LRRC4C: variants seen among roughly 807,000 people sequenced by gnomAD.
LRRC4C encodes leucine rich repeat containing 4C.
LRRC4C carries 5 observed loss-of-function variants against 33.6 expected under a neutral mutation model. The observed-to-expected ratio is 0.15, with a 90% CI of 0.08 to 0.31. The LOEUF (loss-of-function observed/expected upper bound fraction) is 0.31. Among genes scored for constraint, LRRC4C ranks in the 10% least tolerant of loss-of-function variants. The probability of loss-of-function intolerance (pLI) is 1.00; values close to 1 mark genes in which losing one functional copy is unlikely to be tolerated. For synonymous variants in LRRC4C, 329 were observed against 302.0 expected, an observed-to-expected ratio of 1.09 and a Z score of -0.93; for missense variants, 560 against 796.7, an observed-to-expected ratio of 0.70 and a Z score of 3.58.
At chr11:40,954,634 T>C (rs1353796773) in intron 1 of LRRC4C, among the ~76,000 whole-genome samples, 2 of 151,904 alleles carry the variant, frequency 1.3e-5, no homozygotes, top group African/African-American at 2.4e-5. Context: ...GGCCTCATCT[T>C]CATAAAATAG....
At chr11:40,425,972 C>T (rs1950696696) in intron 3 of LRRC4C, among the ~76,000 whole-genome samples, 1 of 151,060 alleles carries the variant, frequency 6.6e-6, no homozygotes, top group Admixed American at 6.6e-5. Context: ...GTACTGTATA[C>T]TGTGTTTAAT....
intron 1 of LRRC4C, among the ~76,000 whole-genome samples, chr11:40,992,556 C>T (rs1343948201): frequency 6.6e-6 from 1 of 151,694 alleles, no homozygotes; most frequent in Non-Finnish European, 1.5e-5. Flanking sequence ...ATCTGTTTGG[C>T]TGAATATATC....
At chr11:40,718,106 G>A (rs1232091443) in intron 2 of LRRC4C, among the ~76,000 whole-genome samples, 2 of 152,076 alleles carry the variant, frequency 1.3e-5, no homozygotes, top group Admixed American at 6.5e-5. Context: ...TCCATCAAAC[G>A]CATGGTGGAT....
chr11:40,658,142 T>C (rs1943231043), intron 2 of LRRC4C, among the ~76,000 whole-genome samples: 1 of 152,128 alleles, frequency 6.6e-6, no homozygotes, highest in African/African-American at 2.4e-5. Flanking sequence ...ACATATTAAC[T>C]CTCCCTTATA....
intron 1 of LRRC4C, among the ~76,000 whole-genome samples, chr11:41,151,828 T>TAATAGCTAA (rs1944013987): frequency 6.6e-6 from 1 of 152,250 alleles, no homozygotes; most frequent in Admixed American, 6.5e-5. Flanking sequence ...TGAGTTATTC[T>TAATAGCTAA]AATAGCTAAA....
At chr11:41,358,600 A>C (rs567491957) in intron 1 of LRRC4C, among the ~76,000 whole-genome samples, 2 of 152,314 alleles carry the variant, frequency 1.3e-5, no homozygotes, top group African/African-American at 2.4e-5. Flanking sequence ...TCACTGAAGC[A>C]GATTTACATA....
At chr11:41,340,196 A>G (rs1951584404) in intron 1 of LRRC4C, among the ~76,000 whole-genome samples, 1 of 152,180 alleles carries the variant, frequency 6.6e-6, no homozygotes, top group Non-Finnish European at 1.5e-5. Flanking sequence ...CCAACCCTAT[A>G]AAAATAATTT....
chr11:41,280,407 G>T (rs1335837605), intron 1 of LRRC4C, among the ~76,000 whole-genome samples: 1 of 152,136 alleles, frequency 6.6e-6, no homozygotes, highest in East Asian at 1.9e-4. Context: ...CACCAAGAAG[G>T]CTAATTTGTG....
At chr11:40,789,496 T>TTC (rs892856190) in intron 2 of LRRC4C, among the ~76,000 whole-genome samples, 10 of 151,156 alleles carry the variant, frequency 6.6e-5, no homozygotes, top group South Asian at 2.1e-4. Context: ...CATATCTTTC[T>TTC]TCTCTCTCTC....
At chr11:40,862,657 A>G (rs1954159821) in intron 2 of LRRC4C, among the ~76,000 whole-genome samples, 1 of 152,320 alleles carries the variant, frequency 6.6e-6, no homozygotes, top group South Asian at 2.1e-4. Context: ...ATAGTTCTCT[A>G]TATTACAAAT....
chr11:40,889,473 A>G (rs950006151), intron 2 of LRRC4C, among the ~76,000 whole-genome samples: 3 of 152,080 alleles, frequency 2.0e-5, no homozygotes, highest in Admixed American at 1.3e-4. Flanking sequence ...TTTGTATACC[A>G]TTAACAGGTA....
chr11:40,493,119 A>G (rs529658275), intron 3 of LRRC4C, among the ~76,000 whole-genome samples: 1 of 151,746 alleles, frequency 6.6e-6, no homozygotes, highest in East Asian at 1.9e-4. Context: ...GGATATATAG[A>G]TAATATAGAA....
chr11:41,267,605 A>G (rs1189847414), intron 1 of LRRC4C, among the ~76,000 whole-genome samples: 2 of 152,142 alleles, frequency 1.3e-5, no homozygotes, highest in Admixed American at 6.6e-5. Context: ...GAATCTGCCA[A>G]AAAGTCTTCT....
At chr11:40,977,874 G>A (rs1253985533) in intron 1 of LRRC4C, among the ~76,000 whole-genome samples, 6 of 152,116 alleles carry the variant, frequency 3.9e-5, no homozygotes, top group Non-Finnish European at 8.8e-5. Context: ...GGATTCTGAG[G>A]GTGTGCTGAA....
chr11:41,385,564 CTT>C (rs1374476638), intron 1 of LRRC4C, among the ~76,000 whole-genome samples: 1 of 151,638 alleles, frequency 6.6e-6, no homozygotes, highest in African/African-American at 2.4e-5. Context: ...TTATTTAAGA[CTT>C]AATGATTACT....
At chr11:40,256,179 A>C (rs947892326) in intron 4 of LRRC4C, among the ~76,000 whole-genome samples, 4 of 152,204 alleles carry the variant, frequency 2.6e-5, no homozygotes, top group East Asian at 1.9e-4. Flanking sequence ...CTAGAGAATG[A>C]GGGTAAATAT....
At chr11:40,686,900 T>G (rs1259463288) in intron 2 of LRRC4C, among the ~76,000 whole-genome samples, 3 of 151,994 alleles carry the variant, frequency 2.0e-5, no homozygotes, top group Non-Finnish European at 4.4e-5. Context: ...TCTTGCCACT[T>G]CAAGAGTAGG....
chr11:40,638,104 A>T (rs1250684765), intron 3 of LRRC4C, among the ~76,000 whole-genome samples: 1 of 152,198 alleles, frequency 6.6e-6, no homozygotes, highest in African/African-American at 2.4e-5. Context: ...CTCCCATGCA[A>T]GCACTACCTG....
chr11:40,128,282 C>T (rs986394238), intron 6 of LRRC4C, among the ~76,000 whole-genome samples: 2 of 152,224 alleles, frequency 1.3e-5, no homozygotes, highest in African/African-American at 2.4e-5. Context: ...TGACCAGTTG[C>T]ACAAGGCAAA....
Sources: gnomAD v4.1 joint callset for allele counts (sites outside exome capture counted in the v4.1 genomes callset) on GRCh38, gnomAD v4.1.1 for gene constraint, MANE v1.5 for transcripts, NCBI Gene and HGNC (gene_info 2026-07-23, HGNC 2026-07-21) for gene names.